The following ANXA8 variants were observed in gnomAD, a reference collection of about 807,000 sequenced individuals.
The protein encoded by ANXA8 is annexin A8, also known as VAC-beta.
ANXA8 carries 9 observed loss-of-function variants against 26.8 expected under a neutral mutation model. That is an observed-to-expected ratio of 0.34 (90% CI 0.20 to 0.59). ANXA8 has a LOEUF of 0.59. Among genes scored for constraint, ANXA8 ranks in the 20% least tolerant of loss-of-function variants. ANXA8 has a pLI of 0.84. For missense variants in ANXA8, 83 were observed against 238.5 expected (o/e 0.35, Z 4.29); for synonymous variants, 39 against 94.8 (o/e 0.41, Z 3.42).
chr10:47,769,814 T>G, the ANXA8 span, among the ~76,000 whole-genome samples: 489 of 152,190 alleles, frequency 3.2e-3, no homozygotes, highest in Non-Finnish European at 5.2e-3. Context: ...TGCAACATGG[T>G]GGGTGCATTA....
chr10:47,746,431 G>A, the ANXA8 span, among the ~76,000 whole-genome samples: 3 of 64,190 alleles, frequency 4.7e-5, no homozygotes, highest in Admixed American at 3.4e-4. Flanking sequence ...CAGAGGTTGC[G>A]GTGAGCCGAG....
chr10:47,705,914 C>T, the ANXA8 span, among the ~76,000 whole-genome samples: 1 of 149,694 alleles, frequency 6.7e-6, no homozygotes, highest in African/African-American at 2.4e-5. Flanking sequence ...CGCCCCGACG[C>T]ACCCCCCGCG....
the ANXA8 span, among the ~76,000 whole-genome samples, chr10:47,743,378 ATGTGTGTGTGTG>A: frequency 1.7e-5 from 1 of 59,772 alleles, no homozygotes; most frequent in African/African-American, 5.6e-5. Flanking sequence ...ATACATATAT[ATGTGTGTGTGTG>A]TGTGTGTGTG....
At chr10:47,975,877 C>T in the ANXA8 span, among the ~76,000 whole-genome samples, 3 of 136,170 alleles carry the variant, frequency 2.2e-5, no homozygotes, top group African/African-American at 2.6e-5. Flanking sequence ...CAGGGGAGGA[C>T]ATTCTGTCCC....
the ANXA8 span, among the ~76,000 whole-genome samples, chr10:47,669,598 C>G: frequency 2.0e-5 from 3 of 151,668 alleles, no homozygotes; most frequent in East Asian, 1.9e-4. Flanking sequence ...GCCTGTGGTC[C>G]CAGCTACTTG....
the ANXA8 span, among the ~76,000 whole-genome samples, chr10:47,652,649 T>G: frequency 6.9e-6 from 1 of 144,190 alleles, no homozygotes; most frequent in Non-Finnish European, 1.5e-5. Flanking sequence ...ATTAGTAACC[T>G]TTAGTAAGGT....
chr10:47,676,494 A>G, the ANXA8 span, among the ~76,000 whole-genome samples: 1 of 152,008 alleles, frequency 6.6e-6, no homozygotes, highest in Non-Finnish European at 1.5e-5. Flanking sequence ...TTATGTGAGA[A>G]TGGCAACATG....
chr10:47,552,278 T>C, the ANXA8 span, among the ~76,000 whole-genome samples: 1 of 151,684 alleles, frequency 6.6e-6, no homozygotes, highest in Non-Finnish European at 1.5e-5. Flanking sequence ...ATTAGCCACA[T>C]GTGGTTACTT....
chr10:47,497,528 A>G, the ANXA8 span, among the ~76,000 whole-genome samples: 1 of 148,294 alleles, frequency 6.7e-6, no homozygotes, highest in Non-Finnish European at 1.5e-5. Flanking sequence ...CTGAGGCAGT[A>G]GAATTGCTTG....
At chr10:47,719,220 T>TGTG in the ANXA8 span, among the ~76,000 whole-genome samples, 134 of 140,532 alleles carry the variant, frequency 9.5e-4, 1 homozygote, top group Middle Eastern at 3.6e-3. Flanking sequence ...TGTGCAGTGG[T>TGTG]GTGATCTTGG....
chr10:47,989,864 C>T, the ANXA8 span, among the ~76,000 whole-genome samples: 2 of 64,718 alleles, frequency 3.1e-5, no homozygotes, highest in South Asian at 1.6e-3. Context: ...AGATCTCTCT[C>T]CAGTGGCTCC....
chr10:47,946,694 C>CA, the ANXA8 span, among the ~76,000 whole-genome samples: 1 of 149,958 alleles, frequency 6.7e-6, no homozygotes, highest in Admixed American at 6.7e-5. Flanking sequence ...CAGTTGCTAA[C>CA]TTTTTTTTTA....
chr10:47,971,081 G>A, the ANXA8 span, among the ~76,000 whole-genome samples: 30 of 151,470 alleles, frequency 2.0e-4, no homozygotes, highest in Admixed American at 5.3e-4. Context: ...TCAAATGCTC[G>A]GAGGCCCTTT....
At chr10:47,527,628 G>A in the ANXA8 span, among the ~76,000 whole-genome samples, 147 of 143,300 alleles carry the variant, frequency 1.0e-3, 6 homozygotes, top group African/African-American at 3.8e-3. Flanking sequence ...CTACAAATTA[G>A]CTATGGCAAC....
the ANXA8 span, among the ~76,000 whole-genome samples, chr10:47,572,514 G>A: frequency 2.0e-5 from 3 of 150,848 alleles, no homozygotes; most frequent in Non-Finnish European, 4.4e-5. Context: ...TCAGGAGTTC[G>A]AGACCAGCCT....
At chr10:47,500,751 T>TG in the ANXA8 span, among the ~76,000 whole-genome samples, 1 of 118,830 alleles carries the variant, frequency 8.4e-6, no homozygotes, top group South Asian at 3.0e-4. Flanking sequence ...TTCTTTTTTT[T>TG]GAGACCGAGT....
upstream of ANXA8, among the ~76,000 whole-genome samples, chr10:47,488,713 A>ATT (rs1160121365): frequency 0.12 from 7,495 of 62,214 alleles, 994 homozygotes; most frequent in South Asian, 0.18. Context: ...TACATGTTAA[A>ATT]TTTTTTTTTT....
At chr10:47,651,212 GATAATA>G in the ANXA8 span, among the ~76,000 whole-genome samples, 10 of 142,976 alleles carry the variant, frequency 7.0e-5, no homozygotes, top group African/African-American at 2.1e-4. Flanking sequence ...AAATAATAAT[GATAATA>G]ATAATAATAA....
the ANXA8 span, among the ~76,000 whole-genome samples, chr10:47,698,650 G>A: frequency 2.0e-5 from 3 of 152,232 alleles, no homozygotes; most frequent in Admixed American, 2.0e-4. Context: ...CACCAGCCTG[G>A]ATGATATGGT....
Sources: allele counts gnomAD v4.1 joint callset (sites outside exome capture counted in the v4.1 genomes callset), GRCh38; gene constraint gnomAD v4.1.1; transcripts MANE v1.5; gene names NCBI Gene and HGNC (gene_info 2026-07-23, HGNC 2026-07-21).